CWH43: variants seen among roughly 807,000 people sequenced by gnomAD.
CWH43 encodes cell wall biogenesis 43 C-terminal homolog, also known as PGAP2-interacting protein.
A neutral mutation model predicts 85.7 loss-of-function variants in CWH43; 91 were observed. The ratio of observed to expected loss-of-function variants is 1.06; its 90% CI spans 0.90 to 1.26. CWH43 has a LOEUF of 1.26. CWH43 is among the 50% of genes most tolerant of loss of function. The pLI, the probability that CWH43 is intolerant of heterozygous loss-of-function variation, is 0.00. For synonymous variants in CWH43, 323 were observed against 293.6 expected, an observed-to-expected ratio of 1.10 and a Z score of -1.02; for missense variants, 869 against 839.2, an observed-to-expected ratio of 1.04 and a Z score of -0.44.
intron 2 of CWH43, among the ~76,000 whole-genome samples, chr4:48,990,579 A>G (rs1488074351): frequency 1.3e-5 from 2 of 152,210 alleles, no homozygotes; most frequent in East Asian, 1.9e-4. Context: ...TCATACTCCT[A>G]TCAATTTAGA....
chr4:48,991,685 T>C lies in CWH43; in HGVS notation c.356+111T>C, dbSNP rs1782664496. 2.4e-6 allele frequency: 3 copies of C among 1,275,872 alleles called. No homozygotes were observed. The East Asian group carries it at 7.1e-5, about 30-fold the overall frequency. The allele number at this position is 1,275,872 out of a possible 1,614,324, so 79.0% of individuals were successfully genotyped here. ...AGTTTTTACCTTCCATATGGCTTTG[T>C]CAAAGTCTCCTTTTTTTTCCTTTTC... On this transcript the variant is annotated intron_variant, in intron 3 of 15. Coordinates refer to ENST00000226432, the MANE Select transcript of CWH43 (RefSeq NM_025087.3).
In CWH43 at chr4:49,038,149, A is replaced by T; in HGVS notation, c.1772A>T (p.Tyr591Phe). 6.2e-7 allele frequency: 1 copy of T among 1,608,860 alleles called. No homozygotes were observed. The highest frequency in any genetic ancestry group is 1.7e-5 in the Admixed American group (1 of 59,388). Reference protein sequence around the residue: ...YITSAPGSRDYLQLTEHGNVK... With the variant: ...YITSAPGSRDFLQLTEHGNVK... ...ACTTCAGCACCTGGCTCCAGAGATT[A>T]TCTACAGCTCACTGAACATGGCAAT... Residue 591 changes from tyrosine (Y) to phenylalanine (F), a missense_variant, in exon 13 of 16, where the codon TAT becomes TTT. Physicochemically the swap from Tyr to Phe is conservative, Grantham distance 22. Around this residue, in one of 3 missense-constraint regions of CWH43, gnomAD observed 577 missense variants for 513.1 expected, o/e 1.12. Coordinates refer to ENST00000226432, the MANE Select transcript of CWH43 (RefSeq NM_025087.3).
At position 49,038,834 on chromosome 4, in the gene CWH43, G is replaced by A. The variant is rs1292298855; in HGVS notation, c.1803+654G>A. 4.0e-5 allele frequency among the ~76,000 whole-genome samples: 6 copies of A among 151,886 alleles called. No individual in the cohort carries two copies. In the East Asian group the frequency reaches 1.2e-3, roughly 30 times the overall value. The stretch of plus-strand genomic sequence containing the variant: ...AGCACTTTGGGAGGCTGAGGCGGGC[G>A]GATCACGAGGTCAGGAGATCGAGAC... On this transcript the variant is annotated intron_variant, in intron 13 of 15. Transcript: ENST00000226432.
At chr4:49,055,729 A>G (rs1784931932) in intron 15 of CWH43, among the ~76,000 whole-genome samples, 1 of 151,776 alleles carries the variant, frequency 6.6e-6, no homozygotes, top group South Asian at 2.1e-4. Context: ...AGCTGCGATT[A>G]TAGGCGCCTA....
chr4:49,018,826 T>C (rs145810462), intron 9 of CWH43, among the ~76,000 whole-genome samples: 3 of 152,342 alleles, frequency 2.0e-5, no homozygotes, highest in African/African-American at 7.2e-5. Flanking sequence ...CTCTTCTTGG[T>C]CTTTGTACTT....
intron 8 of CWH43, among the ~76,000 whole-genome samples, chr4:49,014,517 A>G (rs1325740154): frequency 6.6e-6 from 1 of 151,518 alleles, no homozygotes; most frequent in Non-Finnish European, 1.5e-5. Flanking sequence ...GAGAAATGAG[A>G]TTTTTTTTGT....
At position 48,992,250 on chromosome 4, in the gene CWH43, C is replaced by A. The variant is rs1001568307; in HGVS notation, c.511+160C>A. On this transcript the variant is annotated intron_variant, in intron 4 of 15. Transcript: ENST00000226432. This position sits in a 1 kb window ranked among gnomAD's most constrained non-coding sequence, Gnocchi z 4.3. Reference sequence around the variant, plus strand: ...AATAATAATTGGTGCAGCCAGTGGGCTATTTGCTAAGCAGGAGGCACATTT... The same window carrying A: ...AATAATAATTGGTGCAGCCAGTGGGATATTTGCTAAGCAGGAGGCACATTT... Among the ~76,000 whole-genome samples, 3 of 152,206 alleles carry A rather than the reference C, an allele frequency of 2.0e-5. No homozygotes were observed. The highest frequency in any genetic ancestry group is 7.2e-5 in the African/African-American group (3 of 41,448).
chr4:49,026,255 A>G (rs1030599809), intron 9 of CWH43, among the ~76,000 whole-genome samples: 1 of 152,216 alleles, frequency 6.6e-6, no homozygotes, highest in East Asian at 1.9e-4. Context: ...GAGCAGGGCT[A>G]GGAACTTGCC....
At chr4:49,019,260 T>C (rs1171886804) in intron 9 of CWH43, among the ~76,000 whole-genome samples, 1 of 152,018 alleles carries the variant, frequency 6.6e-6, no homozygotes, top group African/African-American at 2.4e-5. Flanking sequence ...GAATGGAGGG[T>C]AACTGGGTAT....
At chr4:49,038,320 T>C (rs2109817760) in intron 13 of CWH43, 140 bp downstream of exon 13, 2 of 654,546 alleles carry the variant, frequency 3.1e-6, no homozygotes, top group Non-Finnish European at 5.1e-6. Context: ...ACAAAACATG[T>C]GAGCTTAAAA....
intron 13 of CWH43, among the ~76,000 whole-genome samples, chr4:49,041,989 A>T (rs1784478142): frequency 6.6e-6 from 1 of 152,222 alleles, no homozygotes; most frequent in South Asian, 2.1e-4. Flanking sequence ...TTTTGGAAGA[A>T]GGGTAAGGCA....
intron 3 of CWH43, 56 bp from the exon 4 acceptor site, chr4:48,991,880 G>A: frequency 1.4e-6 from 2 of 1,410,826 alleles, no homozygotes; most frequent in Non-Finnish European, 2.0e-6. Context: ...ATTCATGATG[G>A]ACATAGTACA....
chr4:49,037,009 T>C (rs1468568521), intron 12 of CWH43, among the ~76,000 whole-genome samples: 1 of 152,178 alleles, frequency 6.6e-6, no homozygotes, highest in Non-Finnish European at 1.5e-5. Context: ...TTGTTATTAA[T>C]CTCTGATTGC....
At chr4:49,005,684 G>A (rs1560491201) in intron 7 of CWH43, among the ~76,000 whole-genome samples, 2 of 151,524 alleles carry the variant, frequency 1.3e-5, no homozygotes, top group Non-Finnish European at 2.9e-5. Context: ...GGGTCTCCAG[G>A]CACACACCAC....
intron 12 of CWH43, among the ~76,000 whole-genome samples, chr4:49,036,428 C>T (rs1784265101): frequency 1.3e-5 from 2 of 152,162 alleles, no homozygotes; most frequent in African/African-American, 2.4e-5. Context: ...AACAAATGGC[C>T]GTCCTTTTCA....
intron 14 of CWH43, among the ~76,000 whole-genome samples, chr4:49,045,368 T>A (rs148622494): frequency 3.4e-4 from 52 of 152,334 alleles, no homozygotes; most frequent in African/African-American, 1.2e-3. Flanking sequence ...CATGCGTATG[T>A]GTGTGTATGA....
chr4:49,048,545 T>A (rs1237533930), intron 14 of CWH43, among the ~76,000 whole-genome samples: 1 of 152,072 alleles, frequency 6.6e-6, no homozygotes, highest in East Asian at 1.9e-4. Flanking sequence ...AAGATTAAGG[T>A]ACCAGCAGGG....
intron 8 of CWH43, 31 bp downstream of exon 8, chr4:49,007,357 T>G: frequency 2.0e-6 from 3 of 1,499,168 alleles, no homozygotes; most frequent in Non-Finnish European, 2.7e-6. Context: ...TTAAAAAAAA[T>G]TAATTATATA....
At chr4:49,000,296 G>A (rs1337094537) in intron 6 of CWH43, among the ~76,000 whole-genome samples, 3 of 152,192 alleles carry the variant, frequency 2.0e-5, no homozygotes, top group South Asian at 4.1e-4. Context: ...ATCCAGATAC[G>A]TGGCTAAATC....
Sources: gnomAD v4.1 joint callset for allele counts (sites outside exome capture counted in the v4.1 genomes callset) on GRCh38, gnomAD v4.1.1 for gene constraint, gnomAD v4.1.1 regional missense constraint, Gnocchi (gnomAD v3.1) non-coding constraint, MANE v1.5 for transcripts, NCBI Gene and HGNC (gene_info 2026-07-23, HGNC 2026-07-21) for gene names.